Variants in KIZ observed in about 807,000 individuals in gnomAD.
The protein encoded by KIZ is kizuna centrosomal protein, also known as centrosomal protein kizuna.
Under a neutral mutation model 79.6 loss-of-function variants are expected in KIZ, and 68 were observed. That is an observed-to-expected ratio of 0.85 (90% CI 0.70 to 1.05). The LOEUF is 1.05. KIZ is among the 50% of genes least tolerant of loss of function. KIZ has a pLI of 0.00. For missense variants in KIZ, 797 were observed against 800.4 expected (o/e 1.00, Z 0.05); for synonymous variants, 280 against 281.8 (o/e 0.99, Z 0.06).
At chr20:21,145,503 T>G (rs1437881607) in intron 3 of KIZ, 62 bp from the exon 4 acceptor site, 1 of 710,880 alleles carries the variant, frequency 1.4e-6, no homozygotes, top group Non-Finnish European at 2.3e-6. Context: ...AAGACCGCAG[T>G]ATACAGACAG....
chr20:21,141,262 T>A (rs570461674), intron 3 of KIZ, among the ~76,000 whole-genome samples: 10 of 152,032 alleles, frequency 6.6e-5, no homozygotes, highest in Non-Finnish European at 1.5e-4. Flanking sequence ...GTGGTTGATT[T>A]GGGAAATAAG....
At chr20:21,132,550 G>A (rs1406556406) in intron 2 of KIZ, among the ~76,000 whole-genome samples, 3 of 151,136 alleles carry the variant, frequency 2.0e-5, no homozygotes, top group Non-Finnish European at 4.4e-5. Context: ...CAAAATGCTG[G>A]GATTACAGCA....
At chr20:21,126,036 C>T (rs2031425320), upstream of KIZ, 2 of 1,393,880 alleles carry the variant, frequency 1.4e-6, no homozygotes, top group Non-Finnish European at 1.9e-6. Flanking sequence ...ACCCGCGGTG[C>T]ATGGTGGGGC....
At chr20:21,194,950 C>G (rs1311789259) in intron 6 of KIZ, 1 of 152,034 alleles carries the variant, frequency 6.6e-6, no homozygotes, top group Admixed American at 6.6e-5. Flanking sequence ...AGCATTGTGC[C>G]GAATGCTATG....
At chr20:21,168,206 T>C (rs1171059490) in intron 6 of KIZ, among the ~76,000 whole-genome samples, 1 of 152,218 alleles carries the variant, frequency 6.6e-6, no homozygotes, top group Non-Finnish European at 1.5e-5. Flanking sequence ...TTGCTGAGAA[T>C]GATGGTTTGC....
intron 6 of KIZ, among the ~76,000 whole-genome samples, chr20:21,204,326 G>A (rs1045986168): frequency 1.3e-5 from 2 of 151,068 alleles, no homozygotes; most frequent in African/African-American, 2.4e-5. Flanking sequence ...CGTTTTAGCC[G>A]GGATGGTCTC....
At chr20:21,237,023 T>C (rs1015516396) in intron 11 of KIZ, among the ~76,000 whole-genome samples, 3 of 147,786 alleles carry the variant, frequency 2.0e-5, no homozygotes, top group African/African-American at 7.5e-5. Flanking sequence ...AAATGATGGC[T>C]GGGTGCGGTG....
At chr20:21,147,752 G>A (rs1314722975) in intron 4 of KIZ, among the ~76,000 whole-genome samples, 1 of 152,158 alleles carries the variant, frequency 6.6e-6, no homozygotes, top group Non-Finnish European at 1.5e-5. Context: ...AGTCACGTGG[G>A]ACAAACATGA....
At chr20:21,238,105 A>G (rs185108895) in intron 11 of KIZ, among the ~76,000 whole-genome samples, 1 of 152,156 alleles carries the variant, frequency 6.6e-6, no homozygotes, top group African/African-American at 2.4e-5. Flanking sequence ...TGCTGGGATT[A>G]TAGGCGAGCC....
intron 3 of KIZ, among the ~76,000 whole-genome samples, chr20:21,138,464 T>C (rs1010365271): frequency 6.6e-6 from 1 of 152,224 alleles, no homozygotes; most frequent in Non-Finnish European, 1.5e-5. Flanking sequence ...TGCTCATATA[T>C]GGCTGTTGAG....
At chr20:21,126,248 G>T in intron 1 of KIZ, 44 bp downstream of exon 1, 2 of 1,263,588 alleles carry the variant, frequency 1.6e-6, no homozygotes, top group Non-Finnish European at 2.1e-6. Context: ...CCGCGCCGGG[G>T]GTCTTCCGCG....
intron 7 of KIZ, among the ~76,000 whole-genome samples, chr20:21,210,475 T>G (rs2036021903): frequency 6.6e-6 from 1 of 152,200 alleles, no homozygotes; most frequent in African/African-American, 2.4e-5. Context: ...AGAGGTCCCC[T>G]GTCCACTGTC....
At chr20:21,224,384 T>G (rs1007357141) in intron 9 of KIZ, among the ~76,000 whole-genome samples, 5 of 152,246 alleles carry the variant, frequency 3.3e-5, no homozygotes, top group East Asian at 1.9e-4. Flanking sequence ...ATTTTTATTT[T>G]ATTTTGCAAA....
intron 4 of KIZ, among the ~76,000 whole-genome samples, chr20:21,160,693 A>G (rs2033613416): frequency 1.3e-5 from 2 of 152,078 alleles, no homozygotes; most frequent in Non-Finnish European, 2.9e-5. Flanking sequence ...GTCCCCCCCA[A>G]AGTTCATATA....
intron 6 of KIZ, among the ~76,000 whole-genome samples, chr20:21,176,222 A>G (rs1185963168): frequency 6.6e-6 from 1 of 152,164 alleles, no homozygotes; most frequent in Non-Finnish European, 1.5e-5. Context: ...AGGCACAAGA[A>G]TTGCCTGAAC....
At chr20:21,185,407 CTTTTT>C (rs1269681079) in intron 6 of KIZ, among the ~76,000 whole-genome samples, 2 of 131,348 alleles carry the variant, frequency 1.5e-5, no homozygotes, top group African/African-American at 5.8e-5. Context: ...ATTATTCTAC[CTTTTT>C]TTTTTTTTTT....
intron 6 of KIZ, among the ~76,000 whole-genome samples, chr20:21,165,218 A>G (rs1470628132): frequency 1.3e-5 from 2 of 152,240 alleles, no homozygotes; most frequent in African/African-American, 4.8e-5. Context: ...AAAGGAGGAC[A>G]CATAGGAGCA....
rs776100595 is a variant in KIZ, at chr20:21,136,532, G to C, written c.295G>C (p.Glu99Gln). 1 of 1,562,910 alleles carries C rather than the reference G, an allele frequency of 6.4e-7. No individual in the cohort carries two copies. Among genetic ancestry groups the C allele is most frequent in the African/African-American group, 1.4e-5 (1 of 72,058 alleles). Residue 99 changes from glutamate (E) to glutamine (Q), a missense_variant, in exon 3 of 13, where the codon GAG becomes CAG. Glu to Gln is a conservative substitution (Grantham distance 29). Transcript: ENST00000619189. ...TGTTGTACACTTCACCACAAATACA[G>C]AGAAGCTTCAAAAACTGAAGGTGAC... is the stretch of plus-strand genomic sequence containing the variant. ...AHVVHFTTNT[E>Q]KLQKLKLEYE...
intron 2 of KIZ, among the ~76,000 whole-genome samples, chr20:21,134,660 GTT>G (rs537989513): frequency 1.8e-4 from 24 of 130,486 alleles, no homozygotes; most frequent in East Asian, 4.3e-4. Context: ...CATCTTTCAG[GTT>G]TTTTTTTTTT....
Sources: allele counts gnomAD v4.1 joint callset (sites outside exome capture counted in the v4.1 genomes callset), GRCh38; gene constraint gnomAD v4.1.1; transcripts MANE v1.5; gene names NCBI Gene and HGNC (gene_info 2026-07-23, HGNC 2026-07-21).